FBXW10: variants seen among roughly 807,000 people sequenced by gnomAD.
FBXW10 encodes F-box and WD repeat domain containing 10.
In FBXW10, 68 loss-of-function variants were observed where a neutral mutation model predicts 113.1. The observed-to-expected ratio is 0.60, with a 90% confidence interval of 0.49 to 0.74. FBXW10 has a LOEUF of 0.74. Among genes scored for constraint, FBXW10 ranks in the 30% least tolerant of loss-of-function variants. FBXW10 has a pLI of 0.00. For synonymous variants in FBXW10, 289 were observed against 481.6 expected, an observed-to-expected ratio of 0.60 and a Z score of 5.24; for missense variants, 753 against 1,284.5, an observed-to-expected ratio of 0.59 and a Z score of 6.32.
chr17:18,773,119 G>A (rs1022008306), intron 12 of FBXW10, among the ~76,000 whole-genome samples: 1 of 151,598 alleles, frequency 6.6e-6, no homozygotes, highest in African/African-American at 2.4e-5. Context: ...TTTTAGTAGA[G>A]ATGGGCTTTC....
chr17:18,754,160 G>T (rs1322508037), intron 5 of FBXW10, among the ~76,000 whole-genome samples: 58 of 151,414 alleles, frequency 3.8e-4, no homozygotes, highest in Non-Finnish European at 2.5e-4. Context: ...GAAAGTGGCC[G>T]AGGTCTCACA....
rs553448656 is a variant in FBXW10, at chr17:18,761,390, C to T, written c.1433+2885C>T. On this transcript the variant is annotated intron_variant, in intron 7 of 13. Transcript: ENST00000395665. ...ATGCCATTCTCCTGCCTCAGCCTCCCGAGTAGCTGGGACTACAGGCACCCG... is the reference window on the plus strand; with the variant it reads ...ATGCCATTCTCCTGCCTCAGCCTCCTGAGTAGCTGGGACTACAGGCACCCG... 1.3e-3 allele frequency among the ~76,000 whole-genome samples: 191 copies of T among 151,968 alleles called. 1 individual carries two copies. The highest frequency in any genetic ancestry group is 4.4e-3 in the African/African-American group (182 of 41,420).
chr17:18,760,019 T>C (rs192334579), intron 7 of FBXW10, among the ~76,000 whole-genome samples: 132 of 152,330 alleles, frequency 8.7e-4, no homozygotes, highest in African/African-American at 3.1e-3. Flanking sequence ...ATATTCTTAG[T>C]ATGGGAATTT....
At chr17:18,744,943 A>C (rs1167360350) in intron 1 of FBXW10, 194 bp downstream of exon 1, 1 of 1,443,304 alleles carries the variant, frequency 6.9e-7, no homozygotes, top group Non-Finnish European at 9.1e-7. Flanking sequence ...ACTGAGTGTA[A>C]CTTCCTTCTT....
intron 12 of FBXW10, among the ~76,000 whole-genome samples, chr17:18,773,935 C>T (rs996587127): frequency 1.3e-5 from 2 of 152,146 alleles, no homozygotes; most frequent in African/African-American, 4.8e-5. Flanking sequence ...AGTGAAGATC[C>T]TTTAAATAGA....
At chr17:18,745,157 G>A in intron 1 of FBXW10, 1 of 1,023,814 alleles carries the variant, frequency 9.8e-7, no homozygotes, top group Non-Finnish European at 1.2e-6. Flanking sequence ...GCCCTGCACA[G>A]AAACCAGACC....
intron 5 of FBXW10, among the ~76,000 whole-genome samples, chr17:18,755,053 A>G (rs187560926): frequency 2.7e-5 from 4 of 150,622 alleles, no homozygotes; most frequent in Non-Finnish European, 5.9e-5. Flanking sequence ...ACCTGAGGTC[A>G]GGAGTTCGAG....
chr17:18,772,795 A>G, intron 12 of FBXW10, 112 bp downstream of exon 12: 1 of 923,578 alleles, frequency 1.1e-6, no homozygotes, highest in East Asian at 2.4e-5. Flanking sequence ...TATTTTGGCC[A>G]GTGGTTTCCT....
At chr17:18,778,046 C>T (rs909124487) in intron 13 of FBXW10, among the ~76,000 whole-genome samples, 3 of 151,440 alleles carry the variant, frequency 2.0e-5, no homozygotes, top group South Asian at 2.1e-4. Flanking sequence ...GTCAGGAGAT[C>T]GAGGCCATCC....
chr17:18,757,838 T>C (rs1179369987), intron 6 of FBXW10, among the ~76,000 whole-genome samples: 1 of 152,240 alleles, frequency 6.6e-6, no homozygotes, highest in African/African-American at 2.4e-5. Flanking sequence ...ATTATTTATA[T>C]TTCCTGTGGT....
At position 18,748,069 on chromosome 17, in the gene FBXW10, G is replaced by A. The variant is rs1210723741; in HGVS notation, c.634G>A (p.Glu212Lys). Residue 212 changes from glutamate to lysine, a missense_variant, in exon 2 of 14, where the codon GAA (glutamate) becomes AAA (lysine). Transcript: ENST00000395665. The stretch of plus-strand genomic sequence containing the variant: ...ATCCCTTCCTTTGTCCAAAGCCCCA[G>A]AAAATGAACACTTGCTTGGGGCAGC... ...HTSLPLSKAP[E>K]NEHLLGAASN... 1 of 1,613,836 alleles carries A rather than the reference G, an allele frequency of 6.2e-7. No individual in the cohort carries two copies. Among genetic ancestry groups the A allele is most frequent in the Admixed American group, 1.7e-5 (1 of 60,004 alleles).
At chr17:18,763,072 A>T (rs1193803407) in intron 7 of FBXW10, among the ~76,000 whole-genome samples, 1 of 150,824 alleles carries the variant, frequency 6.6e-6, no homozygotes, top group Non-Finnish European at 1.5e-5. Context: ...TTAGAAGAAA[A>T]AGCTTTAACA....
At chr17:18,771,946 A>G (rs2035621879) in intron 11 of FBXW10, among the ~76,000 whole-genome samples, 1 of 151,984 alleles carries the variant, frequency 6.6e-6, no homozygotes, top group African/African-American at 2.4e-5. Flanking sequence ...TGTCGCTACT[A>G]AAAACACAAA....
At chr17:18,755,136 G>A (rs2035234456) in intron 5 of FBXW10, among the ~76,000 whole-genome samples, 1 of 152,110 alleles carries the variant, frequency 6.6e-6, no homozygotes, top group Non-Finnish European at 1.5e-5. Context: ...GGTGGCACAT[G>A]CCTGTAATCC....
At chr17:18,772,937 T>C (rs1334574823) in intron 12 of FBXW10, among the ~76,000 whole-genome samples, 1 of 151,080 alleles carries the variant, frequency 6.6e-6, no homozygotes, top group African/African-American at 2.4e-5. Flanking sequence ...TCTTTTTTTT[T>C]TTTTTTTTGA....
chr17:18,772,477 C>T lies in FBXW10; in HGVS notation c.2072C>T (p.Ala691Val). Residue 691 changes from alanine to valine, a missense_variant, in exon 12 of 14, where the codon GCC becomes GTC. Transcript: ENST00000395665. The stretch of plus-strand genomic sequence containing the variant: ...TTTGAGCACATAAAGTGGCAGTATG[C>T]CGTGGAAAAAACGAAACAAAAGAAG... ...FQFEHIKWQY[A>V]VEKTKQKKNK... 1 of 1,613,624 alleles carries T rather than the reference C, an allele frequency of 6.2e-7. No individual in the cohort carries two copies. Among genetic ancestry groups the T allele is most frequent in the Non-Finnish European group, 8.5e-7 (1 of 1,179,670 alleles).
chr17:18,768,571 T>C lies in FBXW10; in HGVS notation c.1742T>C (p.Phe581Ser). 6.2e-7 allele frequency: 1 copy of C among 1,614,082 alleles called. No individual in the cohort carries two copies. Among genetic ancestry groups the C allele is most frequent in the African/African-American group, 1.3e-5 (1 of 75,018 alleles). ...SGHEGAVKCL[F>S]FDQWHLLSGS... The stretch of plus-strand genomic sequence containing the variant: ...CATGAGGGAGCCGTGAAATGCCTGT[T>C]CTTTGACCAGTGGCATCTCCTCTCA... Residue 581 changes from phenylalanine (F) to serine (S), a missense_variant, in exon 10 of 14, where the codon TTC (phenylalanine) becomes TCC (serine). Coordinates refer to ENST00000395665, the MANE Select transcript of FBXW10 (RefSeq NM_001267585.2).
At chr17:18,768,293 C>T (rs570833192) in intron 9 of FBXW10, among the ~76,000 whole-genome samples, 1 of 152,194 alleles carries the variant, frequency 6.6e-6, no homozygotes, top group East Asian at 1.9e-4. Flanking sequence ...GTCTCAATCT[C>T]CTGACCTTGT....
At chr17:18,761,562 G>C (rs2035386921) in intron 7 of FBXW10, among the ~76,000 whole-genome samples, 1 of 152,128 alleles carries the variant, frequency 6.6e-6, no homozygotes, top group Admixed American at 6.5e-5. Context: ...ACCGCGCCCG[G>C]CCTCACTTTT....
Sources: allele counts gnomAD v4.1 joint callset (sites outside exome capture counted in the v4.1 genomes callset), GRCh38; gene constraint gnomAD v4.1.1; transcripts MANE v1.5; gene names NCBI Gene and HGNC (gene_info 2026-07-23, HGNC 2026-07-21).